The following GPHN variants were observed in gnomAD, a reference collection of about 807,000 sequenced individuals.
GPHN encodes gephyrin.
In GPHN, 17 loss-of-function variants were observed where a neutral mutation model predicts 95.5. That is an observed-to-expected ratio of 0.18 (90% CI 0.12 to 0.27). The LOEUF (loss-of-function observed/expected upper bound fraction) is 0.27. Among genes scored for constraint, GPHN ranks in the 10% least tolerant of loss-of-function variants. GPHN has a pLI of 1.00. For missense variants in GPHN, 660 were observed against 978.1 expected (o/e 0.67, Z 4.34); for synonymous variants, 320 against 322.5 (o/e 0.99, Z 0.08).
the GPHN span, among the ~76,000 whole-genome samples, chr14:67,396,806 T>C: frequency 2.0e-5 from 3 of 152,234 alleles, no homozygotes; most frequent in African/African-American, 7.2e-5. Flanking sequence ...CCAAATATTT[T>C]TCAATTAACC....
chr14:66,822,755 A>G (rs1000533154), intron 3 of GPHN, among the ~76,000 whole-genome samples: 1 of 152,194 alleles, frequency 6.6e-6, no homozygotes, highest in Non-Finnish European at 1.5e-5. Context: ...TGATATAGAT[A>G]AACATTTTGG....
chr14:67,480,093 G>T, the GPHN span, among the ~76,000 whole-genome samples: 1 of 152,156 alleles, frequency 6.6e-6, no homozygotes, highest in Non-Finnish European at 1.5e-5. Context: ...GAATGAACTC[G>T]TACATATACA....
chr14:67,246,352 A>T, the GPHN span, among the ~76,000 whole-genome samples: 5 of 151,214 alleles, frequency 3.3e-5, no homozygotes, highest in South Asian at 2.1e-4. Context: ...TGTATTATTT[A>T]AAAATTTTTT....
the GPHN span, among the ~76,000 whole-genome samples, chr14:67,396,499 C>T: frequency 6.9e-6 from 1 of 145,756 alleles, no homozygotes; most frequent in South Asian, 2.2e-4. Context: ...TTCAATGGCT[C>T]TCCATTACCT....
In GPHN at chr14:66,508,291, A is replaced by T; in HGVS notation, c.-237A>T. On this transcript the variant is annotated 5_prime_UTR_variant, in exon 1 of 23. Coordinates refer to ENST00000478722, the MANE Select transcript of GPHN (RefSeq NM_020806.5). ...CCCAAGCTTGCCTCCTTCTTGCCGG[A>T]CTTGGGGCCGCGCGCCCTGACTCCT... 1.7e-6 allele frequency: 1 copy of T among 583,592 alleles called. No individual in the cohort carries two copies. The highest frequency in any genetic ancestry group is 3.0e-6 in the Non-Finnish European group (1 of 328,050). The allele number at this position is 583,592 out of a possible 1,614,324, so 36.2% of individuals were successfully genotyped here.
chr14:67,710,066 G>A, the GPHN span, among the ~76,000 whole-genome samples: 1 of 152,166 alleles, frequency 6.6e-6, no homozygotes, highest in Non-Finnish European at 1.5e-5. Flanking sequence ...GAGTCTTCCT[G>A]CCTTTGTTTT....
chr14:67,302,306 CTG>C, the GPHN span: 2 of 1,088,484 alleles, frequency 1.8e-6, no homozygotes. Context: ...CTTAAGATAA[CTG>C]AAGGTTAGTA....
At chr14:67,674,310 G>T in the GPHN span, 1 of 1,409,728 alleles carries the variant, frequency 7.1e-7, no homozygotes, top group East Asian at 2.6e-5. Context: ...GAGGAAGGTG[G>T]GAGAATCTTC....
At position 66,994,181 on chromosome 14, in the gene GPHN, C is replaced by T. The variant is rs184307770; in HGVS notation, c.963+28856C>T. ...AGGAGTTCAAGACCAGCCTGGCCAA[C>T]ATGGTGAAACCCCATCTCTACTAAA... On this transcript the variant is annotated intron_variant, in intron 9 of 22. Coordinates refer to ENST00000478722, the MANE Select transcript of GPHN (RefSeq NM_020806.5). 3.2e-3 allele frequency among the ~76,000 whole-genome samples: 489 copies of T among 152,162 alleles called. 4 individuals carry two copies. Among genetic ancestry groups the T allele is most frequent in the African/African-American group, 0.01 (424 of 41,528 alleles).
chr14:67,171,961 G>T (rs2082626016), intron 21 of GPHN, among the ~76,000 whole-genome samples: 1 of 152,146 alleles, frequency 6.6e-6, no homozygotes, highest in Non-Finnish European at 1.5e-5. Flanking sequence ...TCACAAGCAT[G>T]AAGCCCAGCT....
the GPHN span, among the ~76,000 whole-genome samples, chr14:67,656,174 A>G: frequency 6.6e-6 from 1 of 151,722 alleles, no homozygotes; most frequent in Non-Finnish European, 1.5e-5. Flanking sequence ...TGAACCCAGG[A>G]TGCGGAGGTT....
intron 2 of GPHN, among the ~76,000 whole-genome samples, chr14:66,768,169 A>G (rs1197206133): frequency 3.3e-5 from 5 of 151,938 alleles, no homozygotes. Flanking sequence ...GATCTAACCA[A>G]CTAGTATACA....
At chr14:67,439,581 C>CTTCTTTCTT in the GPHN span, among the ~76,000 whole-genome samples, 860 of 118,512 alleles carry the variant, frequency 7.3e-3, 13 homozygotes, top group East Asian at 0.064. Flanking sequence ...TTCTTTCTTT[C>CTTCTTTCTT]TTTCTTTCTT....
At chr14:67,478,130 C>T in the GPHN span, among the ~76,000 whole-genome samples, 11 of 152,374 alleles carry the variant, frequency 7.2e-5, no homozygotes, top group East Asian at 1.9e-4. Context: ...GGTTGGCAGA[C>T]GGCTGGGGCA....
the GPHN span, among the ~76,000 whole-genome samples, chr14:67,523,339 A>G: frequency 6.6e-6 from 1 of 152,058 alleles, no homozygotes; most frequent in East Asian, 1.9e-4. Flanking sequence ...AAAAAAAAGA[A>G]AAGAAAAAAG....
intron 4 of GPHN, among the ~76,000 whole-genome samples, chr14:66,858,520 C>A (rs1204195564): frequency 6.6e-6 from 1 of 151,848 alleles, no homozygotes; most frequent in African/African-American, 2.4e-5. Context: ...AGCAGTGATA[C>A]CCATATAGTA....
intron 2 of GPHN, among the ~76,000 whole-genome samples, chr14:66,700,221 T>C (rs563569458): frequency 9.9e-5 from 15 of 152,280 alleles, no homozygotes; most frequent in African/African-American, 3.6e-4. Flanking sequence ...CTATTTGTTT[T>C]TAGGGGAGGA....
At chr14:67,230,574 GA>G in the GPHN span, among the ~76,000 whole-genome samples, 3 of 148,736 alleles carry the variant, frequency 2.0e-5, no homozygotes, top group South Asian at 2.1e-4. Flanking sequence ...CCTCTCTCAA[GA>G]AAAAAAAAGA....
chr14:67,536,092 T>C, the GPHN span, among the ~76,000 whole-genome samples: 1 of 152,076 alleles, frequency 6.6e-6, no homozygotes, highest in South Asian at 2.1e-4. Flanking sequence ...TTGCTGTTTT[T>C]GTTCTCAAGG....
Sources: allele counts gnomAD v4.1 joint callset (sites outside exome capture counted in the v4.1 genomes callset), GRCh38; gene constraint gnomAD v4.1.1; transcripts MANE v1.5; gene names NCBI Gene and HGNC (gene_info 2026-07-23, HGNC 2026-07-21).